The following ROBO1 variants were observed in gnomAD, a reference collection of about 807,000 sequenced individuals.
The protein encoded by ROBO1 is roundabout homolog 1.
In ROBO1, 149 loss-of-function variants were observed where a neutral mutation model predicts 195.9. The ratio of observed to expected loss-of-function variants is 0.76; its 90% confidence interval spans 0.67 to 0.87. The LOEUF (loss-of-function observed/expected upper bound fraction) is 0.87. Ranked by LOEUF, ROBO1 falls within the 40% of genes least tolerant of loss-of-function variation. The pLI is 0.00. For synonymous variants in ROBO1, 816 were observed against 733.2 expected (o/e 1.11, Z -1.82); for missense variants, 1,933 against 2,068.3 (o/e 0.93, Z 1.27).
At chr3:79,601,121 T>G (rs1315283670) in intron 1 of ROBO1, among the ~76,000 whole-genome samples, 1 of 151,904 alleles carries the variant, frequency 6.6e-6, no homozygotes, top group African/African-American at 2.4e-5. Flanking sequence ...ATCCCAGAAG[T>G]GAACATTAGA....
chr3:79,763,663 A>G (rs1475877629), intron 1 of ROBO1, among the ~76,000 whole-genome samples: 1 of 152,122 alleles, frequency 6.6e-6, no homozygotes, highest in Non-Finnish European at 1.5e-5. Flanking sequence ...AAGAAAATGG[A>G]AAGCCCCTCA....
intron 1 of ROBO1, among the ~76,000 whole-genome samples, chr3:79,741,182 C>A (rs1703632105): frequency 6.6e-6 from 1 of 152,168 alleles, no homozygotes; most frequent in South Asian, 2.1e-4. Context: ...GATGGGAGAT[C>A]TTTTTCAGCA....
chr3:78,736,995 TG>T (rs1367216878), intron 5 of ROBO1, among the ~76,000 whole-genome samples: 2 of 152,154 alleles, frequency 1.3e-5, no homozygotes, highest in East Asian at 1.9e-4. Flanking sequence ...TCTCGATGCA[TG>T]GGAAAGAAGT....
intron 2 of ROBO1, among the ~76,000 whole-genome samples, chr3:79,325,975 G>C (rs2034192482): frequency 6.6e-6 from 1 of 152,088 alleles, no homozygotes; most frequent in Non-Finnish European, 1.5e-5. Flanking sequence ...TATGCGCCTG[G>C]GGGTGGGTCT....
chr3:79,101,840 T>C (rs991751880), intron 3 of ROBO1, among the ~76,000 whole-genome samples: 1 of 151,912 alleles, frequency 6.6e-6, no homozygotes, highest in South Asian at 2.1e-4. Flanking sequence ...GGAGCACAGA[T>C]AGTTGTGATG....
At chr3:79,016,752 C>T (rs150428782) in intron 3 of ROBO1, among the ~76,000 whole-genome samples, 1 of 152,304 alleles carries the variant, frequency 6.6e-6, no homozygotes, top group Non-Finnish European at 1.5e-5. Flanking sequence ...TCTGCCCCTC[C>T]AGTCATTTAT....
At chr3:79,003,273 G>C (rs898106737) in intron 3 of ROBO1, among the ~76,000 whole-genome samples, 3 of 151,984 alleles carry the variant, frequency 2.0e-5, no homozygotes, top group African/African-American at 7.2e-5. Flanking sequence ...TGCCTTCTCT[G>C]CTTTTGTTTG....
intron 5 of ROBO1, among the ~76,000 whole-genome samples, chr3:78,719,745 G>A (rs568163454): frequency 1.5e-3 from 228 of 152,208 alleles, no homozygotes; most frequent in African/African-American, 5.2e-3. Context: ...CATACTGATA[G>A]ATATTTAAGA....
At chr3:79,152,378 T>C (rs1323957347) in intron 2 of ROBO1, among the ~76,000 whole-genome samples, 5 of 151,702 alleles carry the variant, frequency 3.3e-5, no homozygotes, top group African/African-American at 1.2e-4. Context: ...AAAAAGAATG[T>C]GGAGGTAGAG....
chr3:78,854,798 G>T (rs1454894574), intron 4 of ROBO1, among the ~76,000 whole-genome samples: 2 of 152,114 alleles, frequency 1.3e-5, no homozygotes, highest in Non-Finnish European at 2.9e-5. Context: ...AAAATGCGAT[G>T]AAGATTATAG....
At chr3:79,088,538 G>T (rs1397321232) in intron 3 of ROBO1, among the ~76,000 whole-genome samples, 3 of 152,072 alleles carry the variant, frequency 2.0e-5, no homozygotes, top group Non-Finnish European at 4.4e-5. Flanking sequence ...TAAACACAGT[G>T]AGCACATTGT....
chr3:79,431,382 G>A (rs1359434549), intron 2 of ROBO1, among the ~76,000 whole-genome samples: 2 of 152,012 alleles, frequency 1.3e-5, no homozygotes, highest in Non-Finnish European at 2.9e-5. Flanking sequence ...CCGTGCAAGT[G>A]GTCCCCCAAG....
At chr3:79,381,347 CTCCGTCT>C (rs1397634408) in intron 2 of ROBO1, among the ~76,000 whole-genome samples, 12 of 93,228 alleles carry the variant, frequency 1.3e-4, no homozygotes, top group African/African-American at 4.9e-4. Flanking sequence ...CAGAGTGAAA[CTCCGTCT>C]CAAAAAAAAA....
At chr3:78,947,973 G>T (rs1166506894) in intron 3 of ROBO1, among the ~76,000 whole-genome samples, 5 of 152,104 alleles carry the variant, frequency 3.3e-5, no homozygotes, top group Admixed American at 6.5e-5. Context: ...ACTAAACCAG[G>T]AAGAAGTTGA....
At chr3:79,352,016 T>A (rs768206852) in intron 2 of ROBO1, among the ~76,000 whole-genome samples, 33 of 152,338 alleles carry the variant, frequency 2.2e-4, no homozygotes, top group Admixed American at 1.0e-3. Context: ...CTTGCTGACT[T>A]AATTTGATCA....
At chr3:79,353,839 G>A (rs1275643653) in intron 2 of ROBO1, among the ~76,000 whole-genome samples, 1 of 152,030 alleles carries the variant, frequency 6.6e-6, no homozygotes, top group African/African-American at 2.4e-5. Flanking sequence ...GAGGCCAGGA[G>A]TTCAAGACCA....
At chr3:79,705,581 T>C (rs1008493862) in intron 1 of ROBO1, among the ~76,000 whole-genome samples, 3 of 152,148 alleles carry the variant, frequency 2.0e-5, no homozygotes, top group African/African-American at 7.2e-5. Flanking sequence ...TTGATTACTG[T>C]AACATTATTG....
chr3:79,682,539 A>T (rs913474603), intron 1 of ROBO1, among the ~76,000 whole-genome samples: 6 of 152,066 alleles, frequency 3.9e-5, no homozygotes, highest in Non-Finnish European at 7.4e-5. Context: ...TCTTGGAAAA[A>T]TGGATTTTTA....
chr3:78,723,125 T>C (rs1356244777), intron 5 of ROBO1, among the ~76,000 whole-genome samples: 1 of 152,184 alleles, frequency 6.6e-6, no homozygotes, highest in Non-Finnish European at 1.5e-5. Flanking sequence ...CATAAGATGA[T>C]AATGGAGCTG....
Sources: allele counts gnomAD v4.1 joint callset (sites outside exome capture counted in the v4.1 genomes callset), GRCh38; gene constraint gnomAD v4.1.1; transcripts MANE v1.5; gene names NCBI Gene and HGNC (gene_info 2026-07-23, HGNC 2026-07-21).